Variants in TCF12 observed in about 807,000 individuals in gnomAD.
TCF12 encodes transcription factor 12, also known as DNA-binding protein HTF4.
TCF12 carries 45 observed loss-of-function variants against 86.0 expected under a neutral mutation model. The ratio of observed to expected loss-of-function variants is 0.52; its 90% CI spans 0.41 to 0.67. The LOEUF (loss-of-function observed/expected upper bound fraction) is 0.67. Ranked by LOEUF, TCF12 falls within the 30% of genes least tolerant of loss-of-function variation. The pLI is 0.00. For synonymous variants in TCF12, 330 were observed against 299.6 expected, an observed-to-expected ratio of 1.10 and a Z score of -1.05; for missense variants, 881 against 859.9, an observed-to-expected ratio of 1.02 and a Z score of -0.31.
intron 14 of TCF12, 107 bp from the exon 15 acceptor site, chr15:57,252,314 A>G (rs2060154690): frequency 2.6e-6 from 2 of 767,122 alleles, no homozygotes; most frequent in Middle Eastern, 2.3e-4. Flanking sequence ...TCTTGGCGTT[A>G]ACTTTACTAA....
intron 3 of TCF12, among the ~76,000 whole-genome samples, chr15:57,007,733 A>G (rs1402159670): frequency 1.3e-5 from 2 of 150,598 alleles, no homozygotes; most frequent in African/African-American, 4.9e-5. Context: ...ACTCAAGGAA[A>G]ATGATGTAAC....
At chr15:57,061,745 T>C (rs190134983) in intron 3 of TCF12, among the ~76,000 whole-genome samples, 1 of 152,368 alleles carries the variant, frequency 6.6e-6, no homozygotes, top group African/African-American at 2.4e-5. Flanking sequence ...CTTACCATTA[T>C]ATGTTCAATA....
At chr15:57,080,747 C>T (rs1048096065) in intron 4 of TCF12, among the ~76,000 whole-genome samples, 1 of 152,180 alleles carries the variant, frequency 6.6e-6, no homozygotes, top group Admixed American at 6.5e-5. Context: ...AATGGAGTTA[C>T]ATAGCCTTTC....
intron 4 of TCF12, among the ~76,000 whole-genome samples, chr15:57,089,671 C>T (rs867247673): frequency 4.0e-5 from 6 of 150,502 alleles, no homozygotes; most frequent in Admixed American, 2.0e-4. Context: ...ATTGCTCTTT[C>T]ATTTGCCTTT....
At chr15:57,106,390 A>G (rs556161951) in intron 5 of TCF12, among the ~76,000 whole-genome samples, 2 of 152,256 alleles carry the variant, frequency 1.3e-5, no homozygotes, top group Non-Finnish European at 2.9e-5. Context: ...ACGCTTTTCT[A>G]TAAATGTAAA....
At chr15:57,243,051 A>G (rs899626554) in intron 12 of TCF12, among the ~76,000 whole-genome samples, 2 of 152,202 alleles carry the variant, frequency 1.3e-5, no homozygotes, top group South Asian at 4.1e-4. Flanking sequence ...TTCTTTGTCC[A>G]GCCTTTAAAC....
At chr15:57,056,559 A>C (rs1207678776) in intron 3 of TCF12, among the ~76,000 whole-genome samples, 1 of 152,180 alleles carries the variant, frequency 6.6e-6, no homozygotes, top group Non-Finnish European at 1.5e-5. Context: ...CCCGGGCTCC[A>C]ATCAATCCTC....
At chr15:57,196,807 T>C (rs1364209401) in intron 7 of TCF12, among the ~76,000 whole-genome samples, 1 of 152,212 alleles carries the variant, frequency 6.6e-6, no homozygotes, top group African/African-American at 2.4e-5. Context: ...TAATTAATGC[T>C]GTAGTTGTGG....
At chr15:56,997,622 A>G (rs537194381) in intron 3 of TCF12, among the ~76,000 whole-genome samples, 12 of 152,362 alleles carry the variant, frequency 7.9e-5, no homozygotes, top group African/African-American at 2.6e-4. Context: ...AGATTCTAAA[A>G]TAAAAGTTAA....
chr15:57,226,990 A>G (rs1243552659), intron 8 of TCF12, among the ~76,000 whole-genome samples: 1 of 152,152 alleles, frequency 6.6e-6, no homozygotes, highest in Non-Finnish European at 1.5e-5. Context: ...ATACTCATAT[A>G]AAGCATTCTT....
intron 3 of TCF12, among the ~76,000 whole-genome samples, chr15:56,971,849 G>C (rs1337348420): frequency 1.3e-5 from 2 of 152,156 alleles, no homozygotes; most frequent in Non-Finnish European, 2.9e-5. Flanking sequence ...GTCCAAACTA[G>C]GCAAATGTGT....
At chr15:56,923,063 A>C (rs1456765339) in intron 3 of TCF12, among the ~76,000 whole-genome samples, 1 of 152,008 alleles carries the variant, frequency 6.6e-6, no homozygotes, top group Non-Finnish European at 1.5e-5. Flanking sequence ...TGCTGTAGTA[A>C]AGATTAGGGT....
chr15:57,001,756 A>G (rs2064050825), intron 3 of TCF12, among the ~76,000 whole-genome samples: 1 of 152,174 alleles, frequency 6.6e-6, no homozygotes, highest in South Asian at 2.1e-4. Flanking sequence ...CATCACATCA[A>G]TAGGACATAT....
chr15:57,082,928 G>A (rs573350902), intron 4 of TCF12, among the ~76,000 whole-genome samples: 1 of 152,160 alleles, frequency 6.6e-6, no homozygotes, highest in South Asian at 2.1e-4. Flanking sequence ...ATGTCAATAG[G>A]GAATTGGATA....
intron 5 of TCF12, among the ~76,000 whole-genome samples, chr15:57,143,159 A>AG (rs1491396310): frequency 0.021 from 2,513 of 117,096 alleles, 67 homozygotes; most frequent in African/African-American, 0.055. Context: ...GCCCCCCCCC[A>AG]CCAAAAAAAA....
intron 4 of TCF12, among the ~76,000 whole-genome samples, chr15:57,072,944 T>G (rs191300436): frequency 3.4e-4 from 52 of 152,272 alleles, no homozygotes; most frequent in Admixed American, 2.7e-3. Context: ...TAAGAAAAAA[T>G]TGGGTTGTGA....
intron 3 of TCF12, among the ~76,000 whole-genome samples, chr15:56,964,637 A>G (rs1307210580): frequency 6.6e-6 from 1 of 152,196 alleles, no homozygotes; most frequent in Non-Finnish European, 1.5e-5. Flanking sequence ...ATTAACATTT[A>G]TGTATTAAAT....
At chr15:56,964,427 A>G (rs920078200) in intron 3 of TCF12, among the ~76,000 whole-genome samples, 3 of 151,906 alleles carry the variant, frequency 2.0e-5, no homozygotes, top group Admixed American at 6.6e-5. Flanking sequence ...TCTCTTTTCC[A>G]TTCTCAATCT....
chr15:57,268,338 A>G (rs1036733005), intron 18 of TCF12, among the ~76,000 whole-genome samples: 1 of 152,224 alleles, frequency 6.6e-6, no homozygotes, highest in Non-Finnish European at 1.5e-5. Flanking sequence ...TCAAAGAACC[A>G]GTGATTTTCT....
Sources: gnomAD v4.1 joint callset for allele counts (sites outside exome capture counted in the v4.1 genomes callset) on GRCh38, gnomAD v4.1.1 for gene constraint, MANE v1.5 for transcripts, NCBI Gene and HGNC (gene_info 2026-07-23, HGNC 2026-07-21) for gene names.